Variants in DNAH2 observed in about 807,000 individuals in gnomAD.
DNAH2 encodes the protein axonemal beta dynein heavy chain 2.
In DNAH2, 323 loss-of-function variants were observed where a neutral mutation model predicts 523.5. That is an observed-to-expected ratio of 0.62 (90% confidence interval 0.56 to 0.68). The LOEUF (loss-of-function observed/expected upper bound fraction) is 0.68. Ranked by LOEUF, DNAH2 falls within the 30% of genes least tolerant of loss-of-function variation. The pLI is 0.00. For missense variants in DNAH2, 4,907 were observed against 5,701.5 expected, an observed-to-expected ratio of 0.86 and a Z score of 4.49; for synonymous variants, 2,093 against 2,177.4, an observed-to-expected ratio of 0.96 and a Z score of 1.08.
rs150168099 is a variant in DNAH2, at chr17:7,792,768, G to T, written c.7257G>T (p.Gly2419=). The T allele has an allele frequency of 7.2e-4, 1,158 of 1,614,194 alleles. 13 individuals carry two copies. The highest frequency in any genetic ancestry group is 1.5e-3 in the Middle Eastern group (9 of 6,062). The change falls in exon 47 of 86, where the codon GGG becomes GGT. Residue 2419 remains glycine (G), a synonymous_variant. Coordinates refer to ENST00000572933, the MANE Select transcript of DNAH2 (RefSeq NM_020877.5). ...QNPILLVGPV[G]TGKTSIAQSV... Reference sequence around the variant, plus strand: ...CCATTCTGCTGGTGGGTCCCGTGGGGACTGGGAAGACCTCCATCGCCCAGA... The same window carrying T: ...CCATTCTGCTGGTGGGTCCCGTGGGTACTGGGAAGACCTCCATCGCCCAGA...
rs757789552 is a variant in DNAH2 at position 7,823,861 on chromosome 17, T to C, written c.11357T>C (p.Met3786Thr). 5 of 1,614,034 alleles carry C rather than the reference T, an allele frequency of 3.1e-6. No individual in the cohort carries two copies. Among genetic ancestry groups the C allele is most frequent in the Non-Finnish European group, 4.2e-6 (5 of 1,180,016 alleles). The change falls in exon 75 of 86, where the codon ATG becomes ACG. Residue 3786 changes from methionine (M) to threonine (T), a missense_variant. Transcript: ENST00000572933. ...GAGTGGGAAAATGCCTGCAATGAAA[T>C]GCAACGGATGCTGATCGTTCGCTCC... ...PGEWENACNE[M>T]QRMLIVRSLR...
At position 7,737,193 on chromosome 17, in the gene DNAH2, C is replaced by T. The variant is rs768754911; in HGVS notation, c.1105C>T (p.Arg369Cys). ...GCTCCCTAAGCTGATCAGTCTCATC[C>T]GCATCATCTGGGTCAACTCTCCCCA... is the stretch of plus-strand genomic sequence containing the variant. The part of the protein sequence containing the change: ...SKLPKLISLI[R>C]IIWVNSPHYN... The change falls in exon 8 of 86, where the codon CGC (arginine) becomes TGC (cysteine). Residue 369 changes from arginine to cysteine, a missense_variant. Transcript: ENST00000572933. 25 of 1,613,930 alleles carry T rather than the reference C, an allele frequency of 1.5e-5. No homozygotes were observed. Among genetic ancestry groups the T allele is most frequent in the East Asian group, 4.5e-5 (2 of 44,894 alleles).
Position 7,778,331 on chromosome 17 carries a change from CAAA to C in DNAH2, c.5404_5406del (p.Lys1802del). 5.0e-6 allele frequency: 8 copies of C among 1,614,204 alleles called. No homozygotes were observed. The highest frequency in any genetic ancestry group is 5.1e-6 in the Non-Finnish European group (6 of 1,180,036). On this transcript the variant is annotated inframe_deletion, in exon 35 of 86. Transcript: ENST00000572933. The stretch of plus-strand genomic sequence containing the variant: ...TGCACCTGCACCGAGGGGGCTCCCC[CAAA>C]GGCCCTGCAGGCACAGGCAAGACCG...
intron 20 of DNAH2, among the ~76,000 whole-genome samples, chr17:7,765,029 G>C (rs1023987434): frequency 3.3e-5 from 5 of 151,998 alleles, no homozygotes; most frequent in Non-Finnish European, 1.5e-5. Flanking sequence ...AAAGTGCTGG[G>C]ATCACAGGCG....
intron 11 of DNAH2, among the ~76,000 whole-genome samples, chr17:7,741,297 C>CTTTCTTTCTTTCTTTCTCTTTCTTT (rs1491588292): frequency 1.6e-5 from 1 of 61,326 alleles, no homozygotes; most frequent in African/African-American, 7.1e-5. Context: ...TTTCTTTCTT[C>CTTTCTTTCTTTCTTTCTCTTTCTTT]CTTCCTTCCC....
chr17:7,818,842 ACC>A, intron 70 of DNAH2, 66 bp downstream of exon 70: 2 of 1,609,324 alleles, frequency 1.2e-6, no homozygotes, highest in South Asian at 2.2e-5. Flanking sequence ...CACCCAGTCT[ACC>A]CCAGGCACAA....
chr17:7,794,235 C>T lies in DNAH2; in HGVS notation c.7570-19C>T, dbSNP rs1420333859. 3.1e-6 allele frequency: 5 copies of T among 1,588,860 alleles called. No homozygotes were observed. The East Asian group carries it at 7.0e-5, about 22-fold the overall frequency. On this transcript the variant is annotated intron_variant, in intron 48 of 85. Transcript: ENST00000572933. ...CTCTCCCCTCCTGCCTGTCTGCCCTCCTTGTCGCTGCTCTCTAGGAAATGT... is the reference window on the plus strand; with the variant it reads ...CTCTCCCCTCCTGCCTGTCTGCCCTTCTTGTCGCTGCTCTCTAGGAAATGT...
In DNAH2 at chr17:7,733,732, C is replaced by T. The variant is rs183130108; in HGVS notation, c.628+417C>T. ...GACCTCATGATCCACCCGCCTTGGC[C>T]GCCCAAAGTGCTGGGATTACAGGTG... On this transcript the variant is annotated intron_variant, in intron 5 of 85. Transcript: ENST00000572933. Among the ~76,000 whole-genome samples, 89 of 152,202 alleles carry T rather than the reference C, an allele frequency of 5.8e-4. 2 individuals are homozygous for T. The East Asian group carries it at 0.017, about 29-fold the overall frequency.
rs1411391725 is a variant in DNAH2, at chr17:7,787,046, G to A, written c.6603+13G>A. Reference sequence around the variant, plus strand: ...GATGCCCGAGCAGGTCAGGGACGCGGCTGACTCCTGGAGGCCTGCAGAGGC... The same window carrying A: ...GATGCCCGAGCAGGTCAGGGACGCGACTGACTCCTGGAGGCCTGCAGAGGC... On this transcript the variant is annotated intron_variant, in intron 42 of 85. Transcript: ENST00000572933. 1.9e-6 allele frequency: 3 copies of A among 1,613,114 alleles called. No individual in the cohort carries two copies. The highest frequency in any genetic ancestry group is 1.3e-5 in the African/African-American group (1 of 74,940).
Position 7,796,371 on chromosome 17 carries a change from C to G in DNAH2, c.7675-93C>G, listed in dbSNP as rs983718315. 5 of 1,446,762 alleles carry G rather than the reference C, an allele frequency of 3.5e-6. No homozygotes were observed. The African/African-American group carries it at 7.1e-5, about 21-fold the overall frequency. 89.6% of individuals were successfully genotyped at this position (1,446,762 alleles called of 1,614,324 possible). On this transcript the variant is annotated intron_variant, in intron 49 of 85. Transcript: ENST00000572933. The stretch of plus-strand genomic sequence containing the variant: ...GCCCTAGGATTTTTTTTGACACCCC[C>G]TTAAATTGTGCCCATGAGCCAAGCT...
rs1268018564 is a variant in DNAH2 at position 7,788,099 on chromosome 17, C to A, written c.6755C>A (p.Pro2252His). ...ATTCAACTCCAGGCTGAGGTGGAGCCCCTTCAACGCATGTTCGAAAAGCTC... is the reference window on the plus strand; with the variant it reads ...ATTCAACTCCAGGCTGAGGTGGAGCACCTTCAACGCATGTTCGAAAAGCTC... ...LEKRPKAEVE[P>H]LQRMFEKLIN... The change falls in exon 44 of 86, where the codon CCC (proline) becomes CAC (histidine). Residue 2252 changes from proline (P) to histidine (H), a missense_variant. This residue lies in a region of DNAH2 where 2,806 missense variants were observed against 3,190.8 expected (regional missense o/e 0.88). Transcript: ENST00000572933. 2 of 1,614,162 alleles carry A rather than the reference C, an allele frequency of 1.2e-6. No individual in the cohort carries two copies. Among genetic ancestry groups the A allele is most frequent in the South Asian group, 2.2e-5 (2 of 91,078 alleles).
intron 3 of DNAH2, 123 bp downstream of exon 3, chr17:7,723,812 TGTTAGCC>T (rs2074709485): frequency 1.2e-6 from 1 of 866,714 alleles, no homozygotes; most frequent in African/African-American, 1.7e-5. Context: ...TGCTCTCTGC[TGTTAGCC>T]TACTCACCAC....
chr17:7,746,314 A>G lies in DNAH2; in HGVS notation c.1904+3172A>G, dbSNP rs1278625659. Among the ~76,000 whole-genome samples, 3 of 152,206 alleles carry G rather than the reference A, an allele frequency of 2.0e-5. No individual in the cohort carries two copies. The South Asian group carries it at 6.2e-4, about 32-fold the overall frequency. On this transcript the variant is annotated intron_variant, in intron 12 of 85. Transcript: ENST00000572933. ...TAGGGGACCCAGTTTCACTCTGAAG[A>G]CAGTCAGTGTTTCAGATTCTTGTAT...
At chr17:7,742,413 G>A (rs918544941) in intron 11 of DNAH2, among the ~76,000 whole-genome samples, 23 of 152,112 alleles carry the variant, frequency 1.5e-4, no homozygotes, top group African/African-American at 4.8e-4. Flanking sequence ...CCTGGGTGGT[G>A]GAGAGAGACT....
In DNAH2 at chr17:7,819,288, A is replaced by G; in HGVS notation, c.10895A>G (p.Gln3632Arg). The G allele has an allele frequency of 6.2e-6, 10 of 1,614,178 alleles. No individual in the cohort carries two copies. The highest frequency in any genetic ancestry group is 8.5e-6 in the Non-Finnish European group (10 of 1,180,032). Residue 3632 changes from glutamine to arginine, a missense_variant, in exon 72 of 86, where the codon CAG becomes CGG. By Grantham distance (43) the Gln-to-Arg change is conservative. Around this residue, in one of 3 missense-constraint regions of DNAH2, gnomAD observed 1,851 missense variants for 2,139.4 expected, o/e 0.87. Transcript: ENST00000572933. ...NDMGCIDPMY[Q>R]FSLDAYISLF... ...ATGGGCTGCATCGACCCCATGTACCAGTTCTCACTGGATGCCTACATCAGC... is the reference window on the plus strand; with the variant it reads ...ATGGGCTGCATCGACCCCATGTACCGGTTCTCACTGGATGCCTACATCAGC...
intron 28 of DNAH2, among the ~76,000 whole-genome samples, chr17:7,772,024 C>T (rs2076331613): frequency 6.6e-6 from 1 of 152,126 alleles, no homozygotes; most frequent in East Asian, 1.9e-4. Flanking sequence ...CCTACGTTGA[C>T]TTTCTTTTAG....
Position 7,794,338 on chromosome 17 carries a change from A to G in DNAH2, c.7654A>G (p.Ile2552Val), listed in dbSNP as rs1225657276. The G allele has an allele frequency of 6.2e-7, 1 of 1,610,694 alleles. No homozygotes were observed. ...AAGGCTACGGAGTCGCTTCAACATT[A>G]TCAACATGACCTTCCCCACAGTGAG... Reference protein sequence around the residue: ...SPRLRSRFNIINMTFPTKSQI... With the variant: ...SPRLRSRFNIVNMTFPTKSQI... Residue 2552 changes from isoleucine (I) to valine (V), a missense_variant, in exon 49 of 86, where the codon ATC (isoleucine) becomes GTC (valine). Transcript: ENST00000572933.
At chr17:7,767,119 G>T (rs1801402371) in intron 22 of DNAH2, among the ~76,000 whole-genome samples, 1 of 134,080 alleles carries the variant, frequency 7.5e-6, no homozygotes, top group African/African-American at 2.8e-5. Context: ...TCTGTTATGA[G>T]CCTGTTTTCC....
chr17:7,753,962 A>G (rs1308982370), intron 12 of DNAH2, among the ~76,000 whole-genome samples: 1 of 151,936 alleles, frequency 6.6e-6, no homozygotes, highest in Non-Finnish European at 1.5e-5. Flanking sequence ...ACAAACAAGC[A>G]GAAAAACCTA....
Sources: allele counts gnomAD v4.1 joint callset (sites outside exome capture counted in the v4.1 genomes callset), GRCh38; gene constraint gnomAD v4.1.1; regional missense constraint gnomAD v4.1.1; transcripts MANE v1.5; gene names NCBI Gene and HGNC (gene_info 2026-07-23, HGNC 2026-07-21).